Variants in MED27 observed in about 807,000 individuals in gnomAD.
MED27 encodes the protein mediator of RNA polymerase II transcription subunit 27.
A neutral mutation model predicts 38.2 loss-of-function variants in MED27; 30 were observed. The observed-to-expected ratio is 0.79, with a 90% CI of 0.59 to 1.07. The LOEUF is 1.07. MED27 is among the 50% of genes least tolerant of loss of function. MED27 has a pLI of 0.00. For synonymous variants in MED27, 122 were observed against 153.5 expected, an observed-to-expected ratio of 0.79 and a Z score of 1.52; for missense variants, 289 against 397.5, an observed-to-expected ratio of 0.73 and a Z score of 2.32.
At chr9:132,065,278 TAATCAGTAA>T (rs1238683372) in intron 2 of MED27, among the ~76,000 whole-genome samples, 1 of 152,172 alleles carries the variant, frequency 6.6e-6, no homozygotes, top group Non-Finnish European at 1.5e-5. Context: ...TACTGATAAG[TAATCAGTAA>T]TCAGTGAAGC....
intron 2 of MED27, among the ~76,000 whole-genome samples, chr9:132,034,562 G>A (rs1414634705): frequency 6.6e-6 from 1 of 152,196 alleles, no homozygotes; most frequent in Non-Finnish European, 1.5e-5. Context: ...AGGTCGAAAG[G>A]TAGCTAAAAC....
chr9:131,943,994 C>T (rs1248076401), intron 3 of MED27, among the ~76,000 whole-genome samples: 2 of 152,224 alleles, frequency 1.3e-5, no homozygotes, highest in Middle Eastern at 3.4e-3. Flanking sequence ...GCCCTAGCTG[C>T]GGTAAGACTC....
chr9:132,077,045 C>A (rs140471312), intron 2 of MED27, among the ~76,000 whole-genome samples: 1 of 152,156 alleles, frequency 6.6e-6, no homozygotes, highest in Non-Finnish European at 1.5e-5. Context: ...ACATAATGTG[C>A]GCAGCTAAAC....
intron 6 of MED27, among the ~76,000 whole-genome samples, chr9:131,870,371 C>T (rs189518144): frequency 4.6e-5 from 7 of 152,324 alleles, no homozygotes; most frequent in Admixed American, 3.9e-4. Context: ...GACATACAGA[C>T]CTCAAGTGTA....
At chr9:131,870,659 T>G (rs1838815853) in intron 6 of MED27, among the ~76,000 whole-genome samples, 1 of 152,080 alleles carries the variant, frequency 6.6e-6, no homozygotes, top group South Asian at 2.1e-4. Context: ...ACAGGGGTTG[T>G]GGGGGGATGA....
intron 2 of MED27, among the ~76,000 whole-genome samples, chr9:132,015,769 A>G (rs1013342683): frequency 2.6e-5 from 4 of 152,222 alleles, no homozygotes; most frequent in Non-Finnish European, 5.9e-5. Context: ...TTTGTATTTT[A>G]GATCATAAGA....
chr9:131,925,146 C>T (rs1040065712), intron 4 of MED27, among the ~76,000 whole-genome samples: 4 of 152,194 alleles, frequency 2.6e-5, no homozygotes, highest in Non-Finnish European at 5.9e-5. Context: ...CCAAGCAATT[C>T]CACTCCTAGG....
intron 3 of MED27, among the ~76,000 whole-genome samples, chr9:131,993,917 G>C (rs1307278247): frequency 6.6e-6 from 1 of 152,150 alleles, no homozygotes; most frequent in Non-Finnish European, 1.5e-5. Context: ...GTGTGTGTGA[G>C]TGTGCCCTGT....
At chr9:131,940,058 C>T (rs577410923) in intron 3 of MED27, among the ~76,000 whole-genome samples, 2 of 152,090 alleles carry the variant, frequency 1.3e-5, no homozygotes, top group African/African-American at 2.4e-5. Flanking sequence ...AGGCGATCCC[C>T]ACCACACCTG....
intron 5 of MED27, among the ~76,000 whole-genome samples, chr9:131,892,536 C>T (rs886403743): frequency 1.3e-5 from 2 of 152,292 alleles, no homozygotes; most frequent in South Asian, 2.1e-4. Flanking sequence ...CACCTTTCTA[C>T]GTATTTGTTC....
chr9:131,929,489 C>T (rs1398515469), intron 4 of MED27, among the ~76,000 whole-genome samples: 51 of 152,304 alleles, frequency 3.3e-4, no homozygotes, highest in Non-Finnish European at 2.5e-4. Context: ...GGGGCATCCA[C>T]TGCCCTGAAG....
rs369888002 is a variant in MED27, at chr9:131,909,052, A to G, written c.574-15060T>C. On this transcript the variant is annotated intron_variant, in intron 4 of 7. Coordinates refer to ENST00000292035, the MANE Select transcript of MED27 (RefSeq NM_004269.4). ...GTGGCAGTAGAGAAGTGAGAAGCCA[A>G]TCAATTTAGGAATTGATATGATTTG... Among the ~76,000 whole-genome samples the G allele has an allele frequency of 1.1e-3, 161 of 152,246 alleles. 1 individual carries two copies. Among genetic ancestry groups the G allele is most frequent in the African/African-American group, 3.7e-3 (155 of 41,528 alleles).
intron 3 of MED27, among the ~76,000 whole-genome samples, chr9:131,949,159 A>G (rs1014189554): frequency 6.6e-5 from 10 of 152,184 alleles, no homozygotes; most frequent in Non-Finnish European, 1.2e-4. Flanking sequence ...TACAGTATCT[A>G]TTAATAAATA....
intron 6 of MED27, chr9:131,869,437 G>A (rs2131456730): frequency 1.0e-6 from 1 of 978,264 alleles, no homozygotes; most frequent in Non-Finnish European, 1.2e-6. Flanking sequence ...AATCCACTCT[G>A]TGGCAGCCGA....
At chr9:132,009,621 T>G (rs147373113) in intron 3 of MED27, among the ~76,000 whole-genome samples, 366 of 152,246 alleles carry the variant, frequency 2.4e-3, no homozygotes, top group Middle Eastern at 3.4e-3. Flanking sequence ...ACCTTGCAAG[T>G]GGAGCTCCTA....
At chr9:132,040,180 C>T (rs1014126616) in intron 2 of MED27, among the ~76,000 whole-genome samples, 1 of 152,180 alleles carries the variant, frequency 6.6e-6, no homozygotes, top group African/African-American at 2.4e-5. Flanking sequence ...GCATCAGTCC[C>T]CGCATATGGG....
intron 4 of MED27, among the ~76,000 whole-genome samples, chr9:131,903,122 A>C (rs7029454): frequency 0.9 from 137,394 of 152,242 alleles, 62,091 homozygotes; most frequent in Middle Eastern, 0.96. Flanking sequence ...TAAAGACATA[A>C]CCGACATTGG....
intron 2 of MED27, among the ~76,000 whole-genome samples, chr9:132,020,032 T>C (rs1490957143): frequency 6.6e-6 from 1 of 152,246 alleles, no homozygotes; most frequent in African/African-American, 2.4e-5. Context: ...TATTCACAGT[T>C]AAATACTTTA....
intron 4 of MED27, among the ~76,000 whole-genome samples, chr9:131,906,076 T>C (rs142536708): frequency 1.3e-5 from 2 of 152,186 alleles, no homozygotes; most frequent in Non-Finnish European, 2.9e-5. Flanking sequence ...TCAGGTAATA[T>C]CTACATGTGA....
Sources: allele counts gnomAD v4.1 joint callset (sites outside exome capture counted in the v4.1 genomes callset), GRCh38; gene constraint gnomAD v4.1.1; transcripts MANE v1.5; gene names NCBI Gene and HGNC (gene_info 2026-07-23, HGNC 2026-07-21).